Variants in ADGRE1 observed in about 807,000 individuals in gnomAD.
ADGRE1 encodes adhesion G protein-coupled receptor E1.
Under a neutral mutation model 102.7 loss-of-function variants are expected in ADGRE1, and 82 were observed. That is an observed-to-expected ratio of 0.80 (90% CI 0.67 to 0.96). ADGRE1 has a LOEUF of 0.96. ADGRE1 is among the 40% of genes least tolerant of loss of function. The probability of loss-of-function intolerance (pLI) is 0.00; values close to 1 mark genes in which losing one functional copy is unlikely to be tolerated. For synonymous variants in ADGRE1, 398 were observed against 399.6 expected (o/e 1.00, Z 0.05); for missense variants, 1,032 against 1,085.3 (o/e 0.95, Z 0.69).
chr19:6,937,712 C>A, intron 20 of ADGRE1, 64 bp downstream of exon 20: 3 of 1,474,762 alleles, frequency 2.0e-6, no homozygotes, highest in Non-Finnish European at 2.8e-6. Context: ...TGGTGACACT[C>A]AGCTCTGCCA....
intron 5 of ADGRE1, among the ~76,000 whole-genome samples, chr19:6,900,083 G>A (rs1401565627): frequency 2.9e-5 from 4 of 138,464 alleles, no homozygotes; most frequent in Non-Finnish European, 6.0e-5. Flanking sequence ...GACAGAGCGA[G>A]ACTCCATCTC....
At chr19:6,891,602 C>T (rs925765945) in intron 2 of ADGRE1, among the ~76,000 whole-genome samples, 5 of 151,870 alleles carry the variant, frequency 3.3e-5, no homozygotes, top group Non-Finnish European at 4.4e-5. Context: ...TACAGGCGCC[C>T]GCCACCACGC....
At chr19:6,924,371 C>G (rs532351792) in intron 14 of ADGRE1, among the ~76,000 whole-genome samples, 1 of 152,284 alleles carries the variant, frequency 6.6e-6, no homozygotes, top group African/African-American at 2.4e-5. Flanking sequence ...ACAGATGTAT[C>G]TCACTGGAGA....
chr19:6,891,436 T>C lies in ADGRE1; in HGVS notation c.94+893T>C, dbSNP rs138698296. On this transcript the variant is annotated intron_variant, in intron 2 of 20. Coordinates refer to ENST00000312053, the MANE Select transcript of ADGRE1 (RefSeq NM_001974.5). ...ACTTAGCAACTTGGTCTATATTGTG[T>C]TAACAGCTCATCTTTCACATTTTTT... 3.9e-5 allele frequency among the ~76,000 whole-genome samples: 6 copies of C among 152,084 alleles called. No homozygotes were observed. In the East Asian group the frequency reaches 9.7e-4, roughly 24 times the overall value.
intron 10 of ADGRE1, among the ~76,000 whole-genome samples, chr19:6,911,384 A>ATTTTTTTTTTTTTT (rs1974168471): frequency 1.2e-4 from 4 of 34,746 alleles, no homozygotes; most frequent in Non-Finnish European, 3.9e-4. Flanking sequence ...GATTCCTTTT[A>ATTTTTTTTTTTTTT]GTTTTTTTTT....
Position 6,928,050 on chromosome 19 carries a change from A to G in ADGRE1, c.2223-95A>G, listed in dbSNP as rs532327462. On this transcript the variant is annotated intron_variant, in intron 16 of 20. Coordinates refer to ENST00000312053, the MANE Select transcript of ADGRE1 (RefSeq NM_001974.5). Reference sequence around the variant, plus strand: ...GAGCATCATCTGAGTCTCACCTCCCAGTGTTCTCCTCCACTAGGGCATTTG... The same window carrying G: ...GAGCATCATCTGAGTCTCACCTCCCGGTGTTCTCCTCCACTAGGGCATTTG... The G allele has an allele frequency of 2.1e-5, 30 of 1,442,406 alleles. No homozygotes were observed. In the South Asian group the frequency reaches 3.6e-4, roughly 17 times the overall value. The allele number at this position is 1,442,406 out of a possible 1,614,324, so 89.4% of individuals were successfully genotyped here.
rs1242715214 is a variant in ADGRE1, at chr19:6,940,374, C to T, written c.*345C>T. Reference sequence around the variant, plus strand: ...TTGGTGCATGGTTCTAAGCATGCCCCTCCAGAGCCTATCATACGCCTGATA... The same window carrying T: ...TTGGTGCATGGTTCTAAGCATGCCCTTCCAGAGCCTATCATACGCCTGATA... On this transcript the variant is annotated 3_prime_UTR_variant, in exon 21 of 21. Transcript: ENST00000312053. 1.4e-5 allele frequency: 5 copies of T among 351,182 alleles called. No homozygotes were observed. The East Asian group carries it at 2.9e-4, about 20-fold the overall frequency. 21.8% of individuals were successfully genotyped at this position (351,182 alleles called of 1,614,324 possible).
chr19:6,906,421 T>C lies in ADGRE1; in HGVS notation c.950-12T>C. 6.2e-7 allele frequency: 1 copy of C among 1,601,860 alleles called. No individual in the cohort carries two copies. The highest frequency in any genetic ancestry group is 8.5e-7 in the Non-Finnish European group (1 of 1,173,014). ...TTGAAGTTTGGTTTGGTTGCTGTTG[T>C]TTTCTTCCTAGGGGTTCTCTTCAAA... On this transcript the variant is annotated splice_polypyrimidine_tract_variant and intron_variant, in intron 8 of 20. Coordinates refer to ENST00000312053, the MANE Select transcript of ADGRE1 (RefSeq NM_001974.5).
intron 11 of ADGRE1, among the ~76,000 whole-genome samples, chr19:6,914,504 G>A (rs1264687232): frequency 6.6e-6 from 1 of 152,164 alleles, no homozygotes; most frequent in Non-Finnish European, 1.5e-5. Flanking sequence ...AGTGGTTGCT[G>A]TAGATCTTTT....
At chr19:6,902,651 G>A (rs149348091) in intron 6 of ADGRE1, among the ~76,000 whole-genome samples, 7 of 152,254 alleles carry the variant, frequency 4.6e-5, no homozygotes, top group African/African-American at 1.4e-4. Flanking sequence ...GTGTTGGCCA[G>A]GCTGGTCTCA....
At chr19:6,891,094 G>C (rs992329164) in intron 2 of ADGRE1, 1 of 152,302 alleles carries the variant, frequency 6.6e-6, no homozygotes, top group Admixed American at 6.5e-5. Context: ...TCAAGGGCGG[G>C]GCCAGTTGGA....
At chr19:6,911,801 T>C (rs1568348249) in intron 10 of ADGRE1, among the ~76,000 whole-genome samples, 1 of 146,820 alleles carries the variant, frequency 6.8e-6, no homozygotes, top group Non-Finnish European at 1.5e-5. Context: ...ATAACATACA[T>C]ACACATGCAC....
At chr19:6,918,350 A>G (rs548162998) in intron 12 of ADGRE1, among the ~76,000 whole-genome samples, 18 of 152,050 alleles carry the variant, frequency 1.2e-4, no homozygotes, top group Non-Finnish European at 1.3e-4. Context: ...CTGAGGCAGG[A>G]GAATCGCTTG....
intron 13 of ADGRE1, among the ~76,000 whole-genome samples, chr19:6,920,093 G>C (rs1002017838): frequency 1.1e-4 from 17 of 152,282 alleles, no homozygotes; most frequent in Non-Finnish European, 2.1e-4. Flanking sequence ...TTTTATAGTC[G>C]GTGGGTAATG....
rs555113625 is a variant in ADGRE1, at chr19:6,923,830, C to T, written c.1792-848C>T. 1.1e-4 allele frequency among the ~76,000 whole-genome samples: 17 copies of T among 150,346 alleles called. 1 individual carries two copies. The highest frequency in any genetic ancestry group is 3.4e-3 in the Middle Eastern group (1 of 292). ...CTGGGATTACAGGCATGAGCCACTG[C>T]GCCCAGCCAATGGTCAGTTTTCTTA... is the stretch of plus-strand genomic sequence containing the variant. On this transcript the variant is annotated intron_variant, in intron 14 of 20. Transcript: ENST00000312053.
intron 5 of ADGRE1, chr19:6,898,546 C>T (rs1379356688): frequency 5.9e-6 from 9 of 1,523,954 alleles, no homozygotes; most frequent in Non-Finnish European, 8.1e-6. Context: ...ACTGAGGCAC[C>T]CAATTTCTTA....
Position 6,926,491 on chromosome 19 carries a change from C to G in ADGRE1, c.2112C>G (p.Ser704Arg). Residue 704 changes from serine to arginine, a missense_variant, in exon 16 of 21, where the codon AGC (serine) becomes AGG (arginine). Physicochemically the swap from Ser to Arg is moderately radical, Grantham distance 110. Transcript: ENST00000312053. ...VRNLKVVNYF[S>R]SRNIKMLHIC... ...ACCTGAAGGTGGTGAATTACTTCAG[C>G]TCTCGCAACATCAAGATGCTGCACA... 2 of 1,614,246 alleles carry G rather than the reference C, an allele frequency of 1.2e-6. No homozygotes were observed. The highest frequency in any genetic ancestry group is 1.7e-6 in the Non-Finnish European group (2 of 1,180,056).
chr19:6,937,636 C>A lies in ADGRE1; in HGVS notation c.2643C>A (p.Ser881=). The A allele has an allele frequency of 6.2e-7, 1 of 1,614,024 alleles. No individual in the cohort carries two copies. The highest frequency in any genetic ancestry group is 8.5e-7 in the Non-Finnish European group (1 of 1,179,980). ...GGATCTTGCTGTCCTCCATGCCATC[C>A]GCTTCCAAGACGGTGAGAGACTGCA... ...TSRILLSSMP[S]ASKTG The change falls in exon 20 of 21, where the codon TCC becomes TCA. Residue 881 remains serine (S), a synonymous_variant. Coordinates refer to ENST00000312053, the MANE Select transcript of ADGRE1 (RefSeq NM_001974.5).
intron 10 of ADGRE1, among the ~76,000 whole-genome samples, chr19:6,911,391 T>TTTTTTTG (rs1974172902): frequency 6.9e-6 from 1 of 143,894 alleles, no homozygotes; most frequent in Non-Finnish European, 1.5e-5. Flanking sequence ...TTTAGTTTTT[T>TTTTTTTG]TTTTTTTTTT....
Sources: allele counts gnomAD v4.1 joint callset (sites outside exome capture counted in the v4.1 genomes callset), GRCh38; gene constraint gnomAD v4.1.1; transcripts MANE v1.5; gene names NCBI Gene and HGNC (gene_info 2026-07-23, HGNC 2026-07-21).